CADM2: variants seen among roughly 807,000 people sequenced by gnomAD.
CADM2 encodes the protein cell adhesion molecule 2.
A neutral mutation model predicts 49.8 loss-of-function variants in CADM2; 12 were observed. The observed-to-expected ratio is 0.24, with a 90% CI of 0.15 to 0.39. CADM2 has a LOEUF of 0.39. Among genes scored for constraint, CADM2 ranks in the 10% least tolerant of loss-of-function variants. CADM2 has a pLI of 1.00. For synonymous variants in CADM2, 214 were observed against 175.4 expected (o/e 1.22, Z -1.74); for missense variants, 378 against 492.3 (o/e 0.77, Z 2.20).
chr3:86,066,643 AT>A (rs1739378069), intron 9 of CADM2, 21 bp from the exon 10 acceptor site: 1 of 1,523,472 alleles, frequency 6.6e-7, no homozygotes, highest in South Asian at 1.1e-5. Flanking sequence ...GAGCTAACAT[AT>A]TTTTCTTCCA....
intron 1 of CADM2, among the ~76,000 whole-genome samples, chr3:85,469,451 T>C (rs2038669765): frequency 6.6e-6 from 1 of 152,088 alleles, no homozygotes; most frequent in Non-Finnish European, 1.5e-5. Context: ...AGGAATGGCC[T>C]CCAAATGGAC....
intron 1 of CADM2, among the ~76,000 whole-genome samples, chr3:85,474,443 C>A (rs887418905): frequency 1.3e-5 from 2 of 151,896 alleles, no homozygotes; most frequent in African/African-American, 4.8e-5. Context: ...TCTTTCCTCC[C>A]AGTCTACCTA....
Position 86,073,440 on chromosome 3 carries a change from A to G in CADM2, c.*6657A>G, listed in dbSNP as rs919970512. On this transcript the variant is annotated 3_prime_UTR_variant, in exon 10 of 10. Coordinates refer to ENST00000383699, the MANE Select transcript of CADM2 (RefSeq NM_001167675.2). ...TTTCAAAAAACAAAATGCATATTGT[A>G]ATATTTGGTACATGACACTTGCATG... is the stretch of plus-strand genomic sequence containing the variant. 6.6e-6 allele frequency: 1 copy of G among 152,052 alleles called. No homozygotes were observed. Among genetic ancestry groups the G allele is most frequent in the African/African-American group, 2.4e-5 (1 of 41,452 alleles). The allele number at this position is 152,052 out of a possible 1,614,324, so 9.4% of individuals were successfully genotyped here. A position where few individuals can be genotyped will look rare whatever the true frequency, so the allele number is the denominator to read the frequency against.
At chr3:85,303,999 A>C (rs1451980617) in intron 1 of CADM2, among the ~76,000 whole-genome samples, 1 of 151,932 alleles carries the variant, frequency 6.6e-6, no homozygotes, top group African/African-American at 2.4e-5. Flanking sequence ...CACATACAAA[A>C]GTCTTAGAGA....
intron 1 of CADM2, among the ~76,000 whole-genome samples, chr3:85,601,171 T>TAC (rs1213000087): frequency 6.0e-5 from 6 of 100,140 alleles, no homozygotes; most frequent in Non-Finnish European, 7.6e-5. Context: ...TATATATATA[T>TAC]ATACACACAC....
At chr3:85,768,548 T>A (rs2069797671) in intron 2 of CADM2, among the ~76,000 whole-genome samples, 2 of 149,206 alleles carry the variant, frequency 1.3e-5, no homozygotes, top group African/African-American at 4.9e-5. Flanking sequence ...ACTTCTTGGC[T>A]AAATTGATAA....
chr3:85,225,999 T>C (rs1018729732), intron 1 of CADM2, among the ~76,000 whole-genome samples: 1 of 152,226 alleles, frequency 6.6e-6, no homozygotes, highest in Admixed American at 6.5e-5. Context: ...TGGATTCAGT[T>C]TGCCAGTATT....
In CADM2 at chr3:85,920,492, A is replaced by G. The variant is rs577192291; in HGVS notation, c.700+7949A>G. 1.1e-4 allele frequency among the ~76,000 whole-genome samples: 16 copies of G among 151,976 alleles called. No homozygotes were observed. The South Asian group carries it at 3.3e-3, about 31-fold the overall frequency. On this transcript the variant is annotated intron_variant, in intron 6 of 9. Transcript: ENST00000383699. ...AATCATAAGGTGATCTATGCTGTTT[A>G]GTAAGAGATGCATTTCATTATGTCA... is the stretch of plus-strand genomic sequence containing the variant.
chr3:85,376,112 G>C (rs1316686934), intron 1 of CADM2, among the ~76,000 whole-genome samples: 1 of 152,052 alleles, frequency 6.6e-6, no homozygotes, highest in Non-Finnish European at 1.5e-5. Context: ...GAACACCCAA[G>C]TTCCTTGGAC....
chr3:86,069,707 C>A lies in CADM2; in HGVS notation c.*2924C>A, dbSNP rs1739675228. ...TCAATGGAAGCAGTGTGCACACACACACACCCTTAGTAGAATATGGAGCAT... is the reference window on the plus strand; with the variant it reads ...TCAATGGAAGCAGTGTGCACACACAAACACCCTTAGTAGAATATGGAGCAT... On this transcript the variant is annotated 3_prime_UTR_variant, in exon 10 of 10. Coordinates refer to ENST00000383699, the MANE Select transcript of CADM2 (RefSeq NM_001167675.2). 6.6e-6 allele frequency: 1 copy of A among 152,002 alleles called. No homozygotes were observed. Among genetic ancestry groups the A allele is most frequent in the Admixed American group, 6.6e-5 (1 of 15,254 alleles). The allele number at this position is 152,002 out of a possible 1,614,324, so 9.4% of individuals were successfully genotyped here.
chr3:85,321,091 CATATATAT>C (rs1227890094), intron 1 of CADM2, among the ~76,000 whole-genome samples: 12 of 64,748 alleles, frequency 1.9e-4, no homozygotes, highest in Admixed American at 2.8e-4. Flanking sequence ...TAGATATATA[CATATATAT>C]ATATATATAT....
Position 85,916,889 on chromosome 3 carries a change from C to T in CADM2, c.700+4346C>T, listed in dbSNP as rs1338458413. Among the ~76,000 whole-genome samples, 8 of 152,228 alleles carry T rather than the reference C, an allele frequency of 5.3e-5. No individual in the cohort carries two copies. In the East Asian group the frequency reaches 9.7e-4, roughly 18 times the overall value. On this transcript the variant is annotated intron_variant, in intron 6 of 9. Coordinates refer to ENST00000383699, the MANE Select transcript of CADM2 (RefSeq NM_001167675.2). ...CTAACTGGTGTGAGGTGGTATCTCACTGTGGTTTTGATTTGCATTTCTCTG... is the reference window on the plus strand; with the variant it reads ...CTAACTGGTGTGAGGTGGTATCTCATTGTGGTTTTGATTTGCATTTCTCTG...
chr3:85,029,579 T>G (rs1267069091), intron 1 of CADM2, among the ~76,000 whole-genome samples: 1 of 152,244 alleles, frequency 6.6e-6, no homozygotes, highest in Non-Finnish European at 1.5e-5. Flanking sequence ...AGGCCATTCG[T>G]GTAGTGATTC....
At chr3:85,055,495 G>A (rs1438973417) in intron 1 of CADM2, among the ~76,000 whole-genome samples, 2 of 151,960 alleles carry the variant, frequency 1.3e-5, no homozygotes, top group African/African-American at 4.8e-5. Flanking sequence ...TTAAAAACTT[G>A]CATGCACTAA....
At chr3:85,530,621 G>T (rs545053753) in intron 1 of CADM2, among the ~76,000 whole-genome samples, 15 of 151,820 alleles carry the variant, frequency 9.9e-5, no homozygotes, top group Admixed American at 7.2e-4. Context: ...GAGCCACTGC[G>T]CCCGGCCCAC....
chr3:85,482,247 A>T (rs1206977902), intron 1 of CADM2, among the ~76,000 whole-genome samples: 5 of 151,726 alleles, frequency 3.3e-5, no homozygotes, highest in African/African-American at 1.2e-4. Flanking sequence ...CGTGACCTTT[A>T]TTCCAGATGC....
chr3:85,705,142 A>C (rs2066902870), intron 1 of CADM2, among the ~76,000 whole-genome samples: 1 of 150,678 alleles, frequency 6.6e-6, no homozygotes, highest in South Asian at 2.1e-4. Flanking sequence ...CTGGGATCAC[A>C]GGTGTGAGCC....
chr3:85,060,911 G>C (rs1439892026), intron 1 of CADM2, among the ~76,000 whole-genome samples: 2 of 151,890 alleles, frequency 1.3e-5, no homozygotes. Flanking sequence ...ACAATAACCA[G>C]TTAAAATATA....
chr3:85,470,801 A>G (rs2038733060), intron 1 of CADM2, among the ~76,000 whole-genome samples: 1 of 152,150 alleles, frequency 6.6e-6, no homozygotes, highest in Admixed American at 6.6e-5. Context: ...ACTTAAAGGA[A>G]GGTTTCTTCA....
Sources: allele counts gnomAD v4.1 joint callset (sites outside exome capture counted in the v4.1 genomes callset), GRCh38; gene constraint gnomAD v4.1.1; transcripts MANE v1.5; gene names NCBI Gene and HGNC (gene_info 2026-07-23, HGNC 2026-07-21).